SON: variants seen among roughly 807,000 people sequenced by gnomAD.
The protein encoded by SON is SON DNA and RNA binding protein.
A neutral mutation model predicts 173.3 loss-of-function variants in SON; 4 were observed. The observed-to-expected ratio is 0.02, with a 90% CI of 0.01 to 0.05. SON has a LOEUF of 0.05. Ranked by LOEUF, SON falls within the 10% of genes least tolerant of loss-of-function variation. The pLI, the probability that SON is intolerant of heterozygous loss-of-function variation, is 1.00. For missense variants in SON, 2,626 were observed against 3,055.3 expected (o/e 0.86, Z 3.31); for synonymous variants, 1,190 against 1,105.9 (o/e 1.08, Z -1.51).
intron 1 of SON, among the ~76,000 whole-genome samples, chr21:33,544,093 T>C (rs1228732464): frequency 6.6e-6 from 1 of 152,210 alleles, no homozygotes; most frequent in Non-Finnish European, 1.5e-5. Flanking sequence ...TCTTGAAACG[T>C]AAGTGTTCCG....
intron 6 of SON, chr21:33,560,604 TTGTA>T (rs1243919894): frequency 5.3e-6 from 5 of 935,128 alleles, no homozygotes; most frequent in East Asian, 1.2e-4. Context: ...ATCTGTATCT[TTGTA>T]TGTATCTCTG....
Position 33,576,624 on chromosome 21 carries a change from T to C in SON, c.*200T>C. 1 of 688,180 alleles carries C rather than the reference T, an allele frequency of 1.5e-6. No homozygotes were observed. Among genetic ancestry groups the C allele is most frequent in the Non-Finnish European group, 2.7e-6 (1 of 365,380 alleles). The allele number at this position is 688,180 out of a possible 1,614,324, so 42.6% of individuals were successfully genotyped here. ...TTCAGAATTTTACTCTGCATCACAA[T>C]GTATTTCCTCTTTAATGTTGTAAAT... On this transcript the variant is annotated 3_prime_UTR_variant, in exon 12 of 12. Coordinates refer to ENST00000356577, the MANE Select transcript of SON (RefSeq NM_138927.4).
At chr21:33,563,987 C>G (rs1396148411) in intron 6 of SON, among the ~76,000 whole-genome samples, 1 of 152,106 alleles carries the variant, frequency 6.6e-6, no homozygotes, top group Non-Finnish European at 1.5e-5. Flanking sequence ...AAACATTTCC[C>G]CCATTATCAT....
chr21:33,560,324 C>T (rs973301449), intron 6 of SON: 2 of 1,347,552 alleles, frequency 1.5e-6, no homozygotes. Context: ...TTTTTCCTTC[C>T]CTTTGCTACC....
At position 33,553,515 on chromosome 21, in the gene SON, A is replaced by G. The variant is rs148534511; in HGVS notation, c.4284A>G (p.Gln1428=). 9.6e-5 allele frequency: 155 copies of G among 1,614,100 alleles called. No individual in the cohort carries two copies. In the African/African-American group the frequency reaches 1.6e-3, roughly 16 times the overall value. Residue 1428 remains glutamine (Q), a synonymous_variant, in exon 3 of 12, where the codon CAA becomes CAG. Coordinates refer to ENST00000356577, the MANE Select transcript of SON (RefSeq NM_138927.4). ...TGGAACCAGCGGTGTCAGTCCTTCAACCTTCTATGATTGTTTCAGAACCAT... is the reference window on the plus strand; with the variant it reads ...TGGAACCAGCGGTGTCAGTCCTTCAGCCTTCTATGATTGTTTCAGAACCAT... ...PVLEPAVSVL[Q]PSMIVSEPSV...
chr21:33,546,156 T>C (rs2085609219), intron 1 of SON, 57 bp from the exon 2 acceptor site: 2 of 1,450,860 alleles, frequency 1.4e-6, no homozygotes, highest in African/African-American at 2.9e-5. Context: ...TTAATTGGAT[T>C]TTTTTATTAA....
In SON at chr21:33,551,022, T is replaced by C; in HGVS notation, c.1791T>C (p.Pro597=). ...QPVATGALEL[P]GPLMAAGALE... ...TGGCAACTGGGGCACTAGAGTTGCC[T>C]GGGCCGCTCATGGCAGCTGGGGCAC... The change falls in exon 3 of 12, where the codon CCT becomes CCC. Residue 597 remains proline (P), a synonymous_variant. Coordinates refer to ENST00000356577, the MANE Select transcript of SON (RefSeq NM_138927.4). 6.2e-7 allele frequency: 1 copy of C among 1,609,278 alleles called. No individual in the cohort carries two copies. The highest frequency in any genetic ancestry group is 8.5e-7 in the Non-Finnish European group (1 of 1,177,730).
chr21:33,554,761 C>T lies in SON; in HGVS notation c.5530C>T (p.Arg1844Cys), dbSNP rs375731433. ...HKSRKRTSES[R>C]SRARKRSSKS... ...ATCACGCAAGCGTACCAGTGAATCT[C>T]GTTCTAGGGCAAGAAAGAGATCATC... Residue 1844 changes from arginine (R) to cysteine (C), a missense_variant, in exon 3 of 12, where the codon CGT becomes TGT. By Grantham distance (180) the Arg-to-Cys change is radical. This residue lies in a region of SON where 1,006 missense variants were observed against 895.6 expected (regional missense o/e 1.12). Transcript: ENST00000356577. 93 of 1,613,754 alleles carry T rather than the reference C, an allele frequency of 5.8e-5. No homozygotes were observed. The highest frequency in any genetic ancestry group is 1.6e-4 in the Middle Eastern group (1 of 6,084).
intron 6 of SON, among the ~76,000 whole-genome samples, chr21:33,563,489 T>TA (rs2086108263): frequency 7.0e-6 from 1 of 142,906 alleles, no homozygotes; most frequent in Non-Finnish European, 1.6e-5. Flanking sequence ...TTCTTATAAT[T>TA]AAAGTTTTCC....
chr21:33,555,398 C>A lies in SON; in HGVS notation c.6160+7C>A. 1.3e-6 allele frequency: 2 copies of A among 1,501,134 alleles called. No homozygotes were observed. The highest frequency in any genetic ancestry group is 1.3e-5 in the South Asian group (1 of 74,682). 93.0% of individuals were successfully genotyped at this position (1,501,134 alleles called of 1,614,324 possible). ...AAACGTCTGACAGATTTGGGTGAGT[C>A]ATTTTAAAGTTTAATGGGATGGTAG... is the stretch of plus-strand genomic sequence containing the variant. On this transcript the variant is annotated splice_region_variant and intron_variant, in intron 3 of 11. Coordinates refer to ENST00000356577, the MANE Select transcript of SON (RefSeq NM_138927.4).
chr21:33,548,809 C>G (rs2085684171), intron 2 of SON, among the ~76,000 whole-genome samples: 1 of 152,084 alleles, frequency 6.6e-6, no homozygotes, highest in Admixed American at 6.6e-5. Flanking sequence ...ACTGTAGCAA[C>G]TAATAACATG....
chr21:33,567,915 AAAC>A (rs541962543), intron 7 of SON, among the ~76,000 whole-genome samples: 52 of 152,232 alleles, frequency 3.4e-4, no homozygotes, highest in African/African-American at 1.2e-3. Context: ...TGTCTAAAAA[AAAC>A]AAAAGAGTGA....
chr21:33,557,610 C>T, intron 4 of SON: 1 of 1,549,344 alleles, frequency 6.5e-7, no homozygotes, highest in Non-Finnish European at 8.7e-7. Context: ...GTTGAGTGAG[C>T]AACACGCAGA....
chr21:33,569,767 GTGGTGAAGGGGA>G lies in SON; in HGVS notation c.6885+684_6885+695del, dbSNP rs532541587. The G allele has an allele frequency of 1.9e-3, 581 of 299,840 alleles. 1 individual carries two copies. The highest frequency in any genetic ancestry group is 2.8e-3 in the Non-Finnish European group (409 of 148,046). 18.6% of individuals were successfully genotyped at this position (299,840 alleles called of 1,614,324 possible). ...GAGGATGGCTGGAGTGGGGTGGGCT[GTGGTGAAGGGGA>G]TGGGATGGAGATTAATCTGTGGACC... is the stretch of plus-strand genomic sequence containing the variant. On this transcript the variant is annotated intron_variant, in intron 8 of 11. Transcript: ENST00000356577.
intron 8 of SON, chr21:33,572,389 A>G (rs987558172): frequency 1.8e-5 from 6 of 327,690 alleles, no homozygotes; most frequent in African/African-American, 1.3e-4. Flanking sequence ...CTGTAAAAAT[A>G]ACTGTTGACC....
intron 3 of SON, 150 bp from the exon 4 acceptor site, chr21:33,557,006 T>G (rs964475057): frequency 1.5e-6 from 1 of 650,114 alleles, no homozygotes. Flanking sequence ...ATGCCTATAG[T>G]TTTTTCCTTT....
rs1700850535 is a variant in SON, at chr21:33,567,141, CTG to C, written c.6658-14_6658-13del. The C allele has an allele frequency of 6.9e-7, 1 of 1,446,526 alleles. No individual in the cohort carries two copies. The highest frequency in any genetic ancestry group is 9.6e-7 in the Non-Finnish European group (1 of 1,039,758). 89.6% of individuals were successfully genotyped at this position (1,446,526 alleles called of 1,614,324 possible). On this transcript the variant is annotated splice_polypyrimidine_tract_variant and intron_variant, in intron 6 of 11. Coordinates refer to ENST00000356577, the MANE Select transcript of SON (RefSeq NM_138927.4). Reference sequence around the variant, plus strand: ...CTATGGTAATTTGAGATAATTATCTCTGTTTTCTTTCTTAGCCTGTGGACATC... The same window carrying C: ...CTATGGTAATTTGAGATAATTATCTCTTTTCTTTCTTAGCCTGTGGACATC...
intron 2 of SON, 109 bp downstream of exon 2, chr21:33,546,488 A>G: frequency 1.1e-6 from 1 of 942,250 alleles, no homozygotes; most frequent in Non-Finnish European, 1.6e-6. Flanking sequence ...TTATTAAATT[A>G]AAAACTTTAG....
rs751517346 is a variant in SON, at chr21:33,554,350, G to A, written c.5119G>A (p.Glu1707Lys). The A allele has an allele frequency of 1.2e-6, 2 of 1,614,080 alleles. No individual in the cohort carries two copies. Among genetic ancestry groups the A allele is most frequent in the Admixed American group, 1.7e-5 (1 of 60,026 alleles). The change falls in exon 3 of 12, where the codon GAA becomes AAA. Residue 1707 changes from glutamate (E) to lysine (K), a missense_variant. Coordinates refer to ENST00000356577, the MANE Select transcript of SON (RefSeq NM_138927.4). Reference sequence around the variant, plus strand: ...TAAAGAAAGTAGTGGAGGAGAAAAAGAAGTACCTCCCCCTCCTAAAGAGAC... The same window carrying A: ...TAAAGAAAGTAGTGGAGGAGAAAAAAAAGTACCTCCCCCTCCTAAAGAGAC... ...SPKESSGGEK[E>K]VPPPPKETLP...
Sources: gnomAD v4.1 joint callset for allele counts (sites outside exome capture counted in the v4.1 genomes callset) on GRCh38, gnomAD v4.1.1 for gene constraint, gnomAD v4.1.1 regional missense constraint, MANE v1.5 for transcripts, NCBI Gene and HGNC (gene_info 2026-07-23, HGNC 2026-07-21) for gene names.